MYOM1: variants seen among roughly 807,000 people sequenced by gnomAD.
The protein encoded by MYOM1 is myomesin-1.
In MYOM1, 164 loss-of-function variants were observed where a neutral mutation model predicts 205.3. The observed-to-expected ratio is 0.80, with a 90% confidence interval of 0.70 to 0.91. The LOEUF is 0.91. MYOM1 is among the 40% of genes least tolerant of loss of function. The probability of loss-of-function intolerance (pLI) is 0.00; values close to 1 mark genes in which losing one functional copy is unlikely to be tolerated. For synonymous variants in MYOM1, 772 were observed against 789.4 expected (o/e 0.98, Z 0.37); for missense variants, 2,011 against 2,127.3 (o/e 0.95, Z 1.08).
At chr18:3,144,735 G>A (rs940139122) in intron 13 of MYOM1, among the ~76,000 whole-genome samples, 2 of 152,086 alleles carry the variant, frequency 1.3e-5, no homozygotes, top group Non-Finnish European at 1.5e-5. Context: ...GGTAAAAGAA[G>A]TCATGTTATA....
At position 3,135,687 on chromosome 18, in the gene MYOM1, A is replaced by T. The variant is rs533974334; in HGVS notation, c.2069T>A (p.Leu690His). Residue 690 changes from leucine to histidine, a missense_variant, in exon 15 of 38, where the codon CTC becomes CAC. Transcript: ENST00000356443. This position sits in a 1 kb window ranked among gnomAD's most constrained non-coding sequence, Gnocchi z 4.1. ...TENWQRVNTELPVKSPRFALF... is the reference protein window; with the variant it reads ...TENWQRVNTEHPVKSPRFALF... ...AGCAAAGCGGGGAGACTTCACAGGGAGCTCCGTGTTCACTCGCTGCCAGTT... is the reference window on the plus strand; with the variant it reads ...AGCAAAGCGGGGAGACTTCACAGGGTGCTCCGTGTTCACTCGCTGCCAGTT... 1.9e-6 allele frequency: 3 copies of T among 1,613,880 alleles called. No homozygotes were observed. Among genetic ancestry groups the T allele is most frequent in the Non-Finnish European group, 1.7e-6 (2 of 1,179,860 alleles).
the MYOM1 span, among the ~76,000 whole-genome samples, chr18:3,232,488 A>G: frequency 6.6e-6 from 1 of 152,184 alleles, no homozygotes; most frequent in Non-Finnish European, 1.5e-5. Context: ...AATGGGTCAC[A>G]GTGGAGCCCG....
intron 10 of MYOM1, among the ~76,000 whole-genome samples, chr18:3,158,220 T>C (rs2080329650): frequency 1.3e-5 from 2 of 152,238 alleles, no homozygotes; most frequent in South Asian, 4.1e-4. Context: ...GTGATTGTAC[T>C]ATATAGTTTC....
chr18:3,176,626 G>A (rs2080644531), intron 5 of MYOM1, among the ~76,000 whole-genome samples: 1 of 152,138 alleles, frequency 6.6e-6, no homozygotes, highest in African/African-American at 2.4e-5. Flanking sequence ...ATTTGTAAAA[G>A]TGTGCAGTCT....
At position 3,089,549 on chromosome 18, in the gene MYOM1, T is replaced by A; in HGVS notation, c.4057A>T (p.Ile1353Phe). The A allele has an allele frequency of 6.2e-7, 1 of 1,608,784 alleles. No homozygotes were observed. The highest frequency in any genetic ancestry group is 1.3e-5 in the African/African-American group (1 of 75,026). Residue 1353 changes from isoleucine to phenylalanine, a missense_variant, in exon 28 of 38, where the codon ATC becomes TTC. Coordinates refer to ENST00000356443, the MANE Select transcript of MYOM1 (RefSeq NM_003803.4). The stretch of plus-strand genomic sequence containing the variant: ...GGCCTATTTTTACCTTGTTTCCTGA[T>A]CCATTCTTGCCGCTGGAATTCAGCT... ...KEAEFQRQEW[I>F]RKQGPHFVEY...
chr18:3,240,317 C>T, the MYOM1 span, among the ~76,000 whole-genome samples: 1 of 152,258 alleles, frequency 6.6e-6, no homozygotes, highest in East Asian at 1.9e-4. Context: ...GTGTCCCCAC[C>T]CAAATCTCAT....
At chr18:3,105,555 G>T (rs2079441723) in intron 22 of MYOM1, among the ~76,000 whole-genome samples, 1 of 152,040 alleles carries the variant, frequency 6.6e-6, no homozygotes, top group Non-Finnish European at 1.5e-5. Flanking sequence ...CATGAAACTT[G>T]GAGAATAAGA....
At chr18:3,173,191 G>A (rs2080586372) in intron 8 of MYOM1, among the ~76,000 whole-genome samples, 1 of 152,190 alleles carries the variant, frequency 6.6e-6, no homozygotes, top group South Asian at 2.1e-4. Flanking sequence ...TGAAATGACT[G>A]ACATTCACAA....
At chr18:3,156,549 C>A (rs2080304068) in intron 10 of MYOM1, among the ~76,000 whole-genome samples, 2 of 151,944 alleles carry the variant, frequency 1.3e-5, no homozygotes, top group Non-Finnish European at 2.9e-5. Context: ...AAACTTAATG[C>A]AGAATCTCTG....
chr18:3,105,079 A>G (rs2079435021), intron 22 of MYOM1, among the ~76,000 whole-genome samples: 1 of 152,236 alleles, frequency 6.6e-6, no homozygotes, highest in South Asian at 2.1e-4. Context: ...GCTTGAGACA[A>G]TTCTAACAAG....
chr18:3,234,369 T>C, the MYOM1 span, among the ~76,000 whole-genome samples: 1 of 152,226 alleles, frequency 6.6e-6, no homozygotes, highest in Non-Finnish European at 1.5e-5. Context: ...ATGTTAAGCA[T>C]GACATTCCCA....
intron 2 of MYOM1, among the ~76,000 whole-genome samples, chr18:3,197,148 T>C (rs1023967916): frequency 2.0e-5 from 3 of 151,514 alleles, no homozygotes; most frequent in Admixed American, 6.6e-5. Flanking sequence ...TTTTTTTTTT[T>C]TTTTTTGAGA....
At chr18:3,237,317 A>G in the MYOM1 span, among the ~76,000 whole-genome samples, 1 of 152,082 alleles carries the variant, frequency 6.6e-6, no homozygotes, top group African/African-American at 2.4e-5. Flanking sequence ...AAGGAAAGAC[A>G]TGGCCGGGTG....
At chr18:3,123,827 A>ATTTTTTTTTTTTTTTTTTTTT (rs5822739) in intron 19 of MYOM1, among the ~76,000 whole-genome samples, 1 of 147,378 alleles carries the variant, frequency 6.8e-6, no homozygotes, top group African/African-American at 2.6e-5. Context: ...ATTTTTATTT[A>ATTTTTTTTTTTTTTTTTTTTT]TTTATTTTTT....
chr18:3,172,979 C>A (rs1326091335), intron 8 of MYOM1, among the ~76,000 whole-genome samples: 1 of 152,180 alleles, frequency 6.6e-6, no homozygotes, highest in East Asian at 1.9e-4. Flanking sequence ...TGGAGCAGGT[C>A]AGCCACAGAC....
chr18:3,118,012 C>A (rs2079630639), intron 20 of MYOM1, among the ~76,000 whole-genome samples: 1 of 152,110 alleles, frequency 6.6e-6, no homozygotes, highest in Non-Finnish European at 1.5e-5. Context: ...TATCCCTGCC[C>A]TACAGATGAG....
At chr18:3,191,904 G>A (rs553280819) in intron 3 of MYOM1, among the ~76,000 whole-genome samples, 107 of 152,150 alleles carry the variant, frequency 7.0e-4, no homozygotes, top group African/African-American at 2.6e-3. Context: ...CACCGTGTTA[G>A]CCAGGATGGT....
chr18:3,205,053 T>C (rs2081111711), intron 2 of MYOM1, among the ~76,000 whole-genome samples: 1 of 152,126 alleles, frequency 6.6e-6, no homozygotes. Context: ...TTACTCAATA[T>C]TATACACAAA....
At chr18:3,161,989 T>G (rs2080397444) in intron 10 of MYOM1, among the ~76,000 whole-genome samples, 1 of 152,200 alleles carries the variant, frequency 6.6e-6, no homozygotes, top group Non-Finnish European at 1.5e-5. Context: ...CTAAATATAT[T>G]GAAATACAGT....
Sources: allele counts gnomAD v4.1 joint callset (sites outside exome capture counted in the v4.1 genomes callset), GRCh38; gene constraint gnomAD v4.1.1; non-coding constraint Gnocchi (gnomAD v3.1); transcripts MANE v1.5; gene names NCBI Gene and HGNC (gene_info 2026-07-23, HGNC 2026-07-21).